NBEA: variants seen among roughly 807,000 people sequenced by gnomAD.
NBEA encodes the protein neurobeachin.
NBEA carries 44 observed loss-of-function variants against 343.4 expected under a neutral mutation model. That is an observed-to-expected ratio of 0.13 (90% CI 0.10 to 0.16). The LOEUF is 0.16. NBEA is among the 10% of genes least tolerant of loss of function. NBEA has a pLI of 1.00. For missense variants in NBEA, 2,555 were observed against 3,631.3 expected, an observed-to-expected ratio of 0.70 and a Z score of 7.62; for synonymous variants, 1,175 against 1,238.7, an observed-to-expected ratio of 0.95 and a Z score of 1.08.
chr13:35,348,720 A>C (rs1296718699), intron 36 of NBEA, among the ~76,000 whole-genome samples: 2 of 152,090 alleles, frequency 1.3e-5, no homozygotes, highest in African/African-American at 4.8e-5. Context: ...AAATAAAAAT[A>C]AAGTAAGAAT....
chr13:35,314,096 G>T (rs1274696825), intron 36 of NBEA, among the ~76,000 whole-genome samples: 2 of 152,122 alleles, frequency 1.3e-5, no homozygotes, highest in African/African-American at 4.8e-5. Flanking sequence ...GAGAAAGGGT[G>T]AAGACAATTA....
intron 32 of NBEA, 86 bp downstream of exon 32, chr13:35,208,940 T>A (rs138674996): frequency 0.039 from 39,056 of 990,312 alleles, 946 homozygotes; most frequent in Non-Finnish European, 0.046. Flanking sequence ...AAAATTAAAA[T>A]ACCCTAATCA....
intron 36 of NBEA, among the ~76,000 whole-genome samples, chr13:35,336,037 G>A (rs1381539902): frequency 6.6e-6 from 1 of 152,010 alleles, no homozygotes; most frequent in Non-Finnish European, 1.5e-5. Flanking sequence ...AGGAAAATCT[G>A]GGAGGTTTTT....
At chr13:34,983,783 C>T (rs1035018734) in intron 1 of NBEA, among the ~76,000 whole-genome samples, 2 of 152,200 alleles carry the variant, frequency 1.3e-5, no homozygotes, top group Non-Finnish European at 2.9e-5. Flanking sequence ...TGATGATGAG[C>T]ACTTTTTCAT....
chr13:35,570,803 A>G (rs1321084646), intron 45 of NBEA, among the ~76,000 whole-genome samples: 3 of 152,198 alleles, frequency 2.0e-5, no homozygotes, highest in South Asian at 2.1e-4. Flanking sequence ...GTATGAAAAT[A>G]TATCTTTTTA....
intron 14 of NBEA, among the ~76,000 whole-genome samples, chr13:35,117,825 A>C (rs1222998882): frequency 6.6e-6 from 1 of 152,126 alleles, no homozygotes; most frequent in East Asian, 1.9e-4. Flanking sequence ...ATTGTAGTAG[A>C]ATTTTTTAAA....
chr13:35,539,788 C>T (rs1355859225), intron 41 of NBEA, among the ~76,000 whole-genome samples: 1 of 150,866 alleles, frequency 6.6e-6, no homozygotes, highest in Non-Finnish European at 1.5e-5. Flanking sequence ...TGGTGGCGGG[C>T]GCCTGTAGTC....
intron 49 of NBEA, among the ~76,000 whole-genome samples, chr13:35,644,084 A>G (rs2084100827): frequency 6.6e-6 from 1 of 152,200 alleles, no homozygotes; most frequent in Non-Finnish European, 1.5e-5. Context: ...GTAAGGAATT[A>G]CTGGAAGGCA....
intron 11 of NBEA, among the ~76,000 whole-genome samples, chr13:35,105,563 T>G (rs1426684137): frequency 6.6e-6 from 1 of 152,064 alleles, no homozygotes; most frequent in Non-Finnish European, 1.5e-5. Flanking sequence ...TGTCAATTAC[T>G]GAGCAAGATT....
chr13:35,423,207 A>T (rs1198225993), intron 38 of NBEA, among the ~76,000 whole-genome samples: 1 of 152,080 alleles, frequency 6.6e-6, no homozygotes, highest in Non-Finnish European at 1.5e-5. Flanking sequence ...GATGTTTTAG[A>T]CATGAATTCC....
At position 35,555,032 on chromosome 13, in the gene NBEA, T is replaced by C. The variant is rs548425950; in HGVS notation, c.6852T>C (p.Asn2284=). The change falls in exon 44 of 59, where the codon AAT becomes AAC. Residue 2284 remains asparagine, a synonymous_variant. Coordinates refer to ENST00000379939, the MANE Select transcript of NBEA (RefSeq NM_001385012.1). ...CTCGACAGCTTTATAAATCTTCCAA[T>C]ATGACTCAGCGCTGGCAAAGAAGGG... ...ATPRQLYKSS[N]MTQRWQRREI... 1.2e-6 allele frequency: 2 copies of C among 1,612,604 alleles called. No individual in the cohort carries two copies. The highest frequency in any genetic ancestry group is 1.3e-5 in the African/African-American group (1 of 75,016).
chr13:35,055,937 GAATGTTAC>G (rs1187514897), intron 6 of NBEA, 65 bp from the exon 7 acceptor site: 1 of 1,237,040 alleles, frequency 8.1e-7, no homozygotes, highest in African/African-American at 1.5e-5. Flanking sequence ...AGGGTTTTAT[GAATGTTAC>G]AATTGCATTT....
At chr13:35,293,815 C>T (rs986645766) in intron 35 of NBEA, among the ~76,000 whole-genome samples, 1 of 151,908 alleles carries the variant, frequency 6.6e-6, no homozygotes, top group Non-Finnish European at 1.5e-5. Flanking sequence ...CTGATGTTAT[C>T]CCATAGCATT....
chr13:35,583,478 G>A (rs756632000), intron 45 of NBEA, among the ~76,000 whole-genome samples: 1 of 152,206 alleles, frequency 6.6e-6, no homozygotes, highest in African/African-American at 2.4e-5. Context: ...TGGCTGTTAA[G>A]ACAAGGTTTT....
chr13:35,636,171 C>CCTCAGCAT (rs2083682164), intron 49 of NBEA, among the ~76,000 whole-genome samples: 1 of 152,138 alleles, frequency 6.6e-6, no homozygotes, highest in Non-Finnish European at 1.5e-5. Context: ...CATAAATTAA[C>CCTCAGCAT]AATTATTCAA....
chr13:35,099,644 G>A (rs1444733589), intron 11 of NBEA, among the ~76,000 whole-genome samples: 2 of 151,936 alleles, frequency 1.3e-5, no homozygotes, highest in East Asian at 3.9e-4. Context: ...ACATTATTTT[G>A]TGCTCTTTTT....
chr13:35,294,329 T>C (rs1296039352), intron 35 of NBEA, among the ~76,000 whole-genome samples: 3 of 151,814 alleles, frequency 2.0e-5, no homozygotes, highest in Non-Finnish European at 4.4e-5. Context: ...AGTCAAATAG[T>C]ACAAAAGAAA....
intron 29 of NBEA, 91 bp downstream of exon 29, chr13:35,182,619 T>G (rs2152731028): frequency 8.5e-7 from 1 of 1,177,272 alleles, no homozygotes; most frequent in South Asian, 1.5e-5. Context: ...GACCTCTTCA[T>G]AATCACCTCA....
At chr13:35,068,280 A>G (rs2063730028) in intron 8 of NBEA, among the ~76,000 whole-genome samples, 2 of 152,176 alleles carry the variant, frequency 1.3e-5, no homozygotes, top group South Asian at 2.1e-4. Flanking sequence ...CCAAATAAAA[A>G]TAGGTTTTAT....
Sources: allele counts gnomAD v4.1 joint callset (sites outside exome capture counted in the v4.1 genomes callset), GRCh38; gene constraint gnomAD v4.1.1; transcripts MANE v1.5; gene names NCBI Gene and HGNC (gene_info 2026-07-23, HGNC 2026-07-21).